The following RFC1 variants were observed in gnomAD, a reference collection of about 807,000 sequenced individuals.
RFC1 encodes the protein A1 140 kDa subunit.
In RFC1, 37 loss-of-function variants were observed where a neutral mutation model predicts 137.4. That is an observed-to-expected ratio of 0.27 (90% confidence interval 0.21 to 0.35). The LOEUF (loss-of-function observed/expected upper bound fraction) is 0.35, where lower values mean the gene tolerates loss of function less well. Ranked by LOEUF, RFC1 falls within the 10% of genes least tolerant of loss-of-function variation. The pLI, the probability that RFC1 is intolerant of heterozygous loss-of-function variation, is 1.00. For synonymous variants in RFC1, 429 were observed against 455.7 expected (o/e 0.94, Z 0.75); for missense variants, 1,205 against 1,358.5 (o/e 0.89, Z 1.78).
chr4:39,312,157 A>G (rs1320444209), intron 11 of RFC1, among the ~76,000 whole-genome samples: 1 of 152,236 alleles, frequency 6.6e-6, no homozygotes, highest in Non-Finnish European at 1.5e-5. Context: ...CCTGCCTTGA[A>G]TAAGAATTTA....
chr4:39,328,670 G>A (rs1468857118), intron 4 of RFC1, among the ~76,000 whole-genome samples: 6 of 152,108 alleles, frequency 3.9e-5, no homozygotes, highest in Admixed American at 2.0e-4. Flanking sequence ...AAGAGGTAGG[G>A]GCCAAATCCT....
chr4:39,312,978 T>C (rs754315208), intron 10 of RFC1, 47 bp from the exon 11 acceptor site: 11 of 1,473,828 alleles, frequency 7.5e-6, no homozygotes, highest in Middle Eastern at 1.8e-4. Context: ...ATGGTAGCTT[T>C]CCAAAGAAAC....
chr4:39,348,450 A>ACGGG (rs1741002544), intron 2 of RFC1, among the ~76,000 whole-genome samples: 1 of 126,408 alleles, frequency 7.9e-6, no homozygotes. Context: ...AAAAGAAAAG[A>ACGGG]AAAGAAAAGA....
In RFC1 at chr4:39,344,700, G is replaced by A. The variant is rs17334728; in HGVS notation, c.208+701C>T. ...TACAGGTGGCCAAAGCGCAAGAATC[G>A]CTTGAACCTGGGAGGTAGAGGTTGC... On this transcript the variant is annotated intron_variant, in intron 3 of 24. Coordinates refer to ENST00000349703, the MANE Select transcript of RFC1 (RefSeq NM_002913.5). Among the ~76,000 whole-genome samples the A allele has an allele frequency of 2.9e-3, 447 of 152,246 alleles. 3 individuals are homozygous for A. The highest frequency in any genetic ancestry group is 0.01 in the African/African-American group (417 of 41,554).
intron 1 of RFC1, among the ~76,000 whole-genome samples, chr4:39,354,669 G>A (rs931432397): frequency 4.1e-5 from 6 of 145,424 alleles, no homozygotes; most frequent in Admixed American, 2.1e-4. Context: ...TACAGTCCCA[G>A]GTACCAGACA....
rs903917735 is a variant in RFC1, at chr4:39,289,970, T to G, written c.3238A>C (p.Lys1080Gln). The G allele has an allele frequency of 3.1e-6, 5 of 1,613,604 alleles. No homozygotes were observed. The African/African-American group carries it at 6.7e-5, about 22-fold the overall frequency. ...GGGCTTGTGCTGTGTCTAGATGCCT[T>G]TATAGCTTGAAGTGAGTATGGAGTA... Reference protein sequence around the residue: ...HLTPYSLQAIKASRHSTSPSL... With the variant: ...HLTPYSLQAIQASRHSTSPSL... Residue 1080 changes from lysine to glutamine, a missense_variant, in exon 24 of 25, where the codon AAG (lysine) becomes CAG (glutamine). Physicochemically the swap from Lys to Gln is moderately conservative, Grantham distance 53. Transcript: ENST00000349703.
At chr4:39,300,164 A>T (rs1738271353) in intron 20 of RFC1, 26 bp from the exon 21 acceptor site, 1 of 1,610,556 alleles carries the variant, frequency 6.2e-7, no homozygotes, top group African/African-American at 1.3e-5. Flanking sequence ...AGTCTGGATT[A>T]TCCCACTCTC....
chr4:39,327,804 T>C (rs1739857250), intron 4 of RFC1, 48 bp from the exon 5 acceptor site: 2 of 1,376,494 alleles, frequency 1.5e-6, no homozygotes, highest in Non-Finnish European at 2.0e-6. Context: ...TCAATTCGGT[T>C]ATACAAAGAA....
At chr4:39,328,063 G>A (rs1430785019) in intron 4 of RFC1, among the ~76,000 whole-genome samples, 1 of 152,148 alleles carries the variant, frequency 6.6e-6, no homozygotes, top group Admixed American at 6.5e-5. Flanking sequence ...AACCCAGGAG[G>A]TTGAGGCTGC....
intron 4 of RFC1, among the ~76,000 whole-genome samples, chr4:39,337,389 GAAA>G (rs71192847): frequency 7.0e-6 from 1 of 142,702 alleles, no homozygotes; most frequent in Non-Finnish European, 1.5e-5. Context: ...AAAAAAAAAA[GAAA>G]AAGCAAGCTG....
At chr4:39,292,551 C>T (rs192809807) in intron 22 of RFC1, among the ~76,000 whole-genome samples, 1 of 152,190 alleles carries the variant, frequency 6.6e-6, no homozygotes, top group African/African-American at 2.4e-5. Context: ...ATTTCAAATG[C>T]CACCATCCTA....
chr4:39,296,274 T>C (rs1284086249), intron 21 of RFC1, among the ~76,000 whole-genome samples: 1 of 145,560 alleles, frequency 6.9e-6, no homozygotes, highest in Non-Finnish European at 1.5e-5. Context: ...TATTATACTT[T>C]AAGTTTTAGG....
intron 1 of RFC1, among the ~76,000 whole-genome samples, chr4:39,360,441 T>C (rs1433224341): frequency 1.3e-5 from 2 of 151,906 alleles, no homozygotes; most frequent in East Asian, 3.9e-4. Flanking sequence ...CAGCAGCGGT[T>C]GGCAGTGAGC....
chr4:39,321,060 G>A (rs1455115295), intron 8 of RFC1, among the ~76,000 whole-genome samples: 1 of 152,142 alleles, frequency 6.6e-6, no homozygotes, highest in Non-Finnish European at 1.5e-5. Context: ...AAGAAGCCAG[G>A]AGTTTTAACA....
Position 39,312,628 on chromosome 4 carries a change from G to A in RFC1, c.1383+124C>T, listed in dbSNP as rs41554013. 2,886 of 925,226 alleles carry A rather than the reference G, an allele frequency of 3.1e-3. 8 individuals carry two copies. Among genetic ancestry groups the A allele is most frequent in the Non-Finnish European group, 3.8e-3 (2,461 of 650,280 alleles). The allele number at this position is 925,226 out of a possible 1,614,324, so 57.3% of individuals were successfully genotyped here. ...AACACTTCTGTGGAGAAGAAATAAT[G>A]TAGGCAAGAAATTACTTTTCTATTT... is the stretch of plus-strand genomic sequence containing the variant. On this transcript the variant is annotated intron_variant, in intron 11 of 24. Transcript: ENST00000349703.
At chr4:39,312,237 G>A (rs991496450) in intron 11 of RFC1, among the ~76,000 whole-genome samples, 3 of 152,148 alleles carry the variant, frequency 2.0e-5, no homozygotes, top group Admixed American at 6.5e-5. Flanking sequence ...AACACAATAA[G>A]GACAGATGGA....
At chr4:39,345,813 T>C (rs1313082040) in intron 2 of RFC1, among the ~76,000 whole-genome samples, 4 of 152,152 alleles carry the variant, frequency 2.6e-5, no homozygotes, top group Non-Finnish European at 5.9e-5. Context: ...TCTAGAAACA[T>C]TTTTACTTAT....
chr4:39,343,579 C>T (rs1310433947), intron 3 of RFC1, among the ~76,000 whole-genome samples: 1 of 152,142 alleles, frequency 6.6e-6, no homozygotes, highest in Non-Finnish European at 1.5e-5. Flanking sequence ...TTCCTCTTCC[C>T]CTGCACCATG....
chr4:39,296,036 C>A, intron 21 of RFC1: 1 of 286,056 alleles, frequency 3.5e-6, no homozygotes. Context: ...CTAATCTCAA[C>A]ATACCGGTTA....
Sources: allele counts gnomAD v4.1 joint callset (sites outside exome capture counted in the v4.1 genomes callset), GRCh38; gene constraint gnomAD v4.1.1; transcripts MANE v1.5; gene names NCBI Gene and HGNC (gene_info 2026-07-23, HGNC 2026-07-21).